RHBDF1: variants seen among roughly 807,000 people sequenced by gnomAD.
The protein encoded by RHBDF1 is rhomboid 5 homolog 1, also known as inactive rhomboid protein 1.
RHBDF1 carries 80 observed loss-of-function variants against 98.6 expected under a neutral mutation model. That is an observed-to-expected ratio of 0.81 (90% confidence interval 0.68 to 0.98). The LOEUF is 0.98. Among genes scored for constraint, RHBDF1 ranks in the 50% least tolerant of loss-of-function variants. RHBDF1 has a pLI of 0.00. For missense variants in RHBDF1, 1,116 were observed against 1,198.3 expected (o/e 0.93, Z 1.01); for synonymous variants, 512 against 486.8 (o/e 1.05, Z -0.68).
intron 1 of RHBDF1, among the ~76,000 whole-genome samples, chr16:65,834 A>G (rs1897814430): frequency 1.3e-5 from 2 of 152,262 alleles, no homozygotes. Flanking sequence ...GGGCGCAGAC[A>G]CCGTAGTGAC....
At chr16:74,975 T>A (rs1011177232), upstream of RHBDF1, 1 of 152,460 alleles carries the variant, frequency 6.6e-6, no homozygotes, top group Non-Finnish European at 1.5e-5. Flanking sequence ...ATAAACAGCC[T>A]TGTTGCTCAC....
intron 7 of RHBDF1, chr16:62,333 T>G: frequency 1.3e-6 from 1 of 766,568 alleles, no homozygotes. Context: ...CTAAGATTGC[T>G]GTCCCATTCC....
Position 61,296 on chromosome 16 carries a change from GAC to G in RHBDF1, c.1396-17_1396-16del. On this transcript the variant is annotated splice_polypyrimidine_tract_variant and intron_variant, in intron 10 of 17. Coordinates refer to ENST00000262316, the MANE Select transcript of RHBDF1 (RefSeq NM_022450.5). ...ATGAGGGCCTCCTGCGGGCGAGGGA[GAC>G]GAGCGGCCGCAGTCCGGGGCCTCCT... 1.3e-6 allele frequency: 2 copies of G among 1,542,326 alleles called. No homozygotes were observed. Among genetic ancestry groups the G allele is most frequent in the Non-Finnish European group, 8.7e-7 (1 of 1,143,440 alleles).
Position 58,292 on chromosome 16 carries a change from C to G in RHBDF1, c.*48G>C. 1 of 1,570,822 alleles carries G rather than the reference C, an allele frequency of 6.4e-7. No individual in the cohort carries two copies. The highest frequency in any genetic ancestry group is 1.2e-5 in the South Asian group (1 of 84,234). ...CCTGTGAGGCTCAGGGAGGTCGTGTCTGGCTCTGGCCTGCTGGAGCACACG... is the reference window on the plus strand; with the variant it reads ...CCTGTGAGGCTCAGGGAGGTCGTGTGTGGCTCTGGCCTGCTGGAGCACACG... On this transcript the variant is annotated 3_prime_UTR_variant, in exon 18 of 18. Coordinates refer to ENST00000262316, the MANE Select transcript of RHBDF1 (RefSeq NM_022450.5).
In RHBDF1 at chr16:72,565, C is replaced by T. The variant is rs1265839482; in HGVS notation, c.-77G>A. On this transcript the variant is annotated 5_prime_UTR_variant, in exon 1 of 18. Coordinates refer to ENST00000262316, the MANE Select transcript of RHBDF1 (RefSeq NM_022450.5). Reference sequence around the variant, plus strand: ...CTGAGGGCGCCGGGGAGGAGGCTGCCGCCGCTGGCCGGGAGGGCCCGCGCC... The same window carrying T: ...CTGAGGGCGCCGGGGAGGAGGCTGCTGCCGCTGGCCGGGAGGGCCCGCGCC... The T allele has an allele frequency of 4.4e-6, 4 of 905,540 alleles. No individual in the cohort carries two copies. The highest frequency in any genetic ancestry group is 2.9e-5 in the African/African-American group (1 of 34,084). 56.1% of individuals were successfully genotyped at this position (905,540 alleles called of 1,614,324 possible). A position where few individuals can be genotyped will look rare whatever the true frequency, so the allele number is the denominator to read the frequency against.
At chr16:68,442 C>G (rs1157295188) in intron 1 of RHBDF1, among the ~76,000 whole-genome samples, 1 of 152,248 alleles carries the variant, frequency 6.6e-6, no homozygotes, top group Non-Finnish European at 1.5e-5. Context: ...CCCAGGCGCA[C>G]AGTGGGCTCT....
Position 61,697 on chromosome 16 carries a change from C to G in RHBDF1, c.1209-1G>C. 6.2e-7 allele frequency: 1 copy of G among 1,613,418 alleles called. No individual in the cohort carries two copies. Among genetic ancestry groups the G allele is most frequent in the Non-Finnish European group, 8.5e-7 (1 of 1,179,888 alleles). ...GGTAAGCCAGTAGGTGAAGAAGGGC[C>G]TGCGGGGTGGAGCGTCAGCGGGGGC... On this transcript the variant is annotated splice_acceptor_variant, in intron 8 of 17. Transcript: ENST00000262316. LOFTEE classifies it high-confidence loss of function.
rs775186560 is a variant in RHBDF1, at chr16:59,431, C to T, written c.1881G>A (p.Thr627=). The part of the protein sequence containing the change: ...FMRGYFHEEA[T]LCSQVHCMDD... Reference sequence around the variant, plus strand: ...TCTGCAGACCTACCTGAGAGCAGAGCGTGGCCTCCTCATGGAAGTAGCCCC... The same window carrying T: ...TCTGCAGACCTACCTGAGAGCAGAGTGTGGCCTCCTCATGGAAGTAGCCCC... Residue 627 remains threonine, a synonymous_variant, in exon 15 of 18, where the codon ACG becomes ACA. Transcript: ENST00000262316. The T allele has an allele frequency of 1.2e-5, 20 of 1,613,808 alleles. No homozygotes were observed. The highest frequency in any genetic ancestry group is 1.7e-4 in the Middle Eastern group (1 of 6,060).
In RHBDF1 at chr16:59,574, C is replaced by T. The variant is rs2141844107; in HGVS notation, c.1818-80G>A. The T allele has an allele frequency of 3.3e-6, 5 of 1,503,534 alleles. No individual in the cohort carries two copies. In the East Asian group the frequency reaches 1.1e-4, roughly 35 times the overall value. 93.1% of individuals were successfully genotyped at this position (1,503,534 alleles called of 1,614,324 possible). A position where few individuals can be genotyped will look rare whatever the true frequency, so the allele number is the denominator to read the frequency against. On this transcript the variant is annotated intron_variant, in intron 14 of 17. Coordinates refer to ENST00000262316, the MANE Select transcript of RHBDF1 (RefSeq NM_022450.5). Reference sequence around the variant, plus strand: ...GCATCCAGGGCGAGTTTCAGCCGCACCTACCCACCTTTGTTGGCCCCAAGG... The same window carrying T: ...GCATCCAGGGCGAGTTTCAGCCGCATCTACCCACCTTTGTTGGCCCCAAGG...
chr16:59,296 C>G lies in RHBDF1; in HGVS notation c.1947G>C (p.Val649=), dbSNP rs1336249331. The change falls in exon 16 of 18, where the codon GTG becomes GTC. Residue 649 remains valine (V), a synonymous_variant. Coordinates refer to ENST00000262316, the MANE Select transcript of RHBDF1 (RefSeq NM_022450.5). The stretch of plus-strand genomic sequence containing the variant: ...GCCACAGGCGGTAGAACTGGTCAGG[C>G]ACCTCGGGGTTGAGAAAAGGCAGGA... ...CGLLPFLNPE[V]PDQFYRLWLS... 2 of 1,611,380 alleles carry G rather than the reference C, an allele frequency of 1.2e-6. No individual in the cohort carries two copies. Among genetic ancestry groups the G allele is most frequent in the Non-Finnish European group, 1.7e-6 (2 of 1,178,636 alleles).
At chr16:58,812 G>T (rs1391221513) in intron 17 of RHBDF1, 53 bp from the exon 18 acceptor site, 1 of 1,582,414 alleles carries the variant, frequency 6.3e-7, no homozygotes, top group Non-Finnish European at 8.6e-7. Flanking sequence ...AGGCCCCCTG[G>T]ACCCAAGGCC....
chr16:67,111 G>A (rs1203646396), intron 1 of RHBDF1, among the ~76,000 whole-genome samples: 3 of 152,206 alleles, frequency 2.0e-5, no homozygotes, highest in Non-Finnish European at 2.9e-5. Context: ...CTGCTGGTAA[G>A]GAATAGCCAG....
chr16:64,330 T>C (rs1897760295), intron 3 of RHBDF1: 1 of 1,350,408 alleles, frequency 7.4e-7, no homozygotes, highest in Non-Finnish European at 9.8e-7. Flanking sequence ...CTGTATGAGA[T>C]ACCTGAGCAG....
At position 64,941 on chromosome 16, in the gene RHBDF1, G is replaced by A. The variant is rs1341007668; in HGVS notation, c.75C>T (p.Pro25=). 1 of 1,594,154 alleles carries A rather than the reference G, an allele frequency of 6.3e-7. No individual in the cohort carries two copies. Among genetic ancestry groups the A allele is most frequent in the Admixed American group, 1.7e-5 (1 of 58,478 alleles). Residue 25 remains proline (P), a synonymous_variant, in exon 2 of 18, where the codon CCC becomes CCT. Transcript: ENST00000262316. The part of the protein sequence containing the change: ...KKPPWLKLDI[P]SAVPLTAEEP... ...CTTCTGCCGTCAGGGGCACCGCAGA[G>A]GGAATGTCCAGCTTTAGCCAGGGTG...
In RHBDF1 at chr16:61,230, G is replaced by C; in HGVS notation, c.1447C>G (p.Pro483Ala). ...AKFSPCMRQD[P>A]QVHSFIRSAR... is the part of the protein sequence containing the mutation. ...GAGCGAATGAAGCTGTGCACCTGCG[G>C]GTCCTGGCGCATGCAGGGCGAAAAC... Residue 483 changes from proline to alanine, a missense_variant, in exon 11 of 18, where the codon CCG becomes GCG. Physicochemically the swap from Pro to Ala is conservative, Grantham distance 27. Coordinates refer to ENST00000262316, the MANE Select transcript of RHBDF1 (RefSeq NM_022450.5). 1 of 1,546,116 alleles carries C rather than the reference G, an allele frequency of 6.5e-7. No individual in the cohort carries two copies. Among genetic ancestry groups the C allele is most frequent in the Non-Finnish European group, 8.7e-7 (1 of 1,145,096 alleles).
Position 59,454 on chromosome 16 carries a change from C to T in RHBDF1, c.1858G>A (p.Gly620Ser). 1.4e-5 allele frequency: 22 copies of T among 1,613,782 alleles called. No homozygotes were observed. Among genetic ancestry groups the T allele is most frequent in the Non-Finnish European group, 1.9e-5 (22 of 1,179,992 alleles). ...AGCGTGGCCTCCTCATGGAAGTAGC[C>T]CCTCATGAAGTCACAGTACTCCCGG... ...TSREYCDFMR[G>S]YFHEEATLCS... Residue 620 changes from glycine (G) to serine (S), a missense_variant, in exon 15 of 18, where the codon GGC becomes AGC. Coordinates refer to ENST00000262316, the MANE Select transcript of RHBDF1 (RefSeq NM_022450.5).
At chr16:72,644 G>A, upstream of RHBDF1, 1 of 837,376 alleles carries the variant, frequency 1.2e-6, no homozygotes, top group African/African-American at 5.7e-5. Context: ...TGGAGCGAGG[G>A]GCGTGCGCCC....
chr16:59,682 C>CGATGCTCTGAGCCCAGA (rs772111594), intron 14 of RHBDF1, 50 bp downstream of exon 14: 2 of 1,602,190 alleles, frequency 1.2e-6, no homozygotes, highest in Admixed American at 3.4e-5. Flanking sequence ...CACCCTAGGG[C>CGATGCTCTGAGCCCAGA]GATGCTCTGA....
At chr16:73,011 C>T (rs1186151273), upstream of RHBDF1, among the ~76,000 whole-genome samples, 2 of 152,154 alleles carry the variant, frequency 1.3e-5, no homozygotes, top group Admixed American at 1.3e-4. Flanking sequence ...AACCCGACCT[C>T]CTCCAGAGGC....
Sources: allele counts gnomAD v4.1 joint callset (sites outside exome capture counted in the v4.1 genomes callset), GRCh38; gene constraint gnomAD v4.1.1; transcripts MANE v1.5; gene names NCBI Gene and HGNC (gene_info 2026-07-23, HGNC 2026-07-21).